Variants in PPRC1 observed in about 807,000 individuals in gnomAD.
PPRC1 encodes PPARG related coactivator 1.
Under a neutral mutation model 132.5 loss-of-function variants are expected in PPRC1, and 23 were observed. That is an observed-to-expected ratio of 0.17 (90% CI 0.12 to 0.25). The LOEUF (loss-of-function observed/expected upper bound fraction) is 0.25, where lower values mean the gene tolerates loss of function less well. Ranked by LOEUF, PPRC1 falls within the 10% of genes least tolerant of loss-of-function variation. The probability of loss-of-function intolerance (pLI) is 1.00; values close to 1 mark genes in which losing one functional copy is unlikely to be tolerated. For synonymous variants in PPRC1, 872 were observed against 833.5 expected (o/e 1.05, Z -0.80); for missense variants, 2,006 against 2,089.1 (o/e 0.96, Z 0.78).
Position 102,150,063 on chromosome 10 carries a change from T to C in PPRC1, c.*34T>C. ...CCTTCCCTGCTATCCTTTTTCTCCTTTGGAGGTGCCCAACCTCCTCCACCC... is the reference window on the plus strand; with the variant it reads ...CCTTCCCTGCTATCCTTTTTCTCCTCTGGAGGTGCCCAACCTCCTCCACCC... On this transcript the variant is annotated 3_prime_UTR_variant, in exon 14 of 14. Transcript: ENST00000278070. 1 of 1,543,786 alleles carries C rather than the reference T, an allele frequency of 6.5e-7. No homozygotes were observed. The highest frequency in any genetic ancestry group is 2.2e-5 in the East Asian group (1 of 44,504).
At chr10:102,120,180 A>C in the PPRC1 span, 1 of 1,160,342 alleles carries the variant, frequency 8.6e-7, no homozygotes, top group Non-Finnish European at 1.1e-6. Flanking sequence ...CAGGCCGGGC[A>C]TGAGCCGCCG....
In PPRC1 at chr10:102,141,081, C is replaced by T; in HGVS notation, c.2573C>T (p.Pro858Leu). The T allele has an allele frequency of 6.2e-7, 1 of 1,614,178 alleles. No individual in the cohort carries two copies. Among genetic ancestry groups the T allele is most frequent in the South Asian group, 1.1e-5 (1 of 91,090 alleles). Residue 858 changes from proline to leucine, a missense_variant, in exon 5 of 14, where the codon CCT becomes CTT. Around this residue, in one of 2 missense-constraint regions of PPRC1, gnomAD observed 1,914 missense variants for 1,917.2 expected, o/e 1.00. Coordinates refer to ENST00000278070, the MANE Select transcript of PPRC1 (RefSeq NM_015062.5). The part of the protein sequence containing the change: ...PSQEMPLLAR[P>L]SPPVQSVSPA... ...CAGGAGATGCCACTGTTGGCGAGAC[C>T]TTCCCCTCCTGTGCAGTCTGTGTCC... is the stretch of plus-strand genomic sequence containing the variant.
At chr10:102,120,348 G>A in the PPRC1 span, 1 of 984,502 alleles carries the variant, frequency 1.0e-6, no homozygotes, top group Non-Finnish European at 1.2e-6. Flanking sequence ...GTGCGCGCGG[G>A]TGTGAGTCCG....
At chr10:102,145,674 C>G (rs1488186946) in intron 8 of PPRC1, among the ~76,000 whole-genome samples, 1 of 151,722 alleles carries the variant, frequency 6.6e-6, no homozygotes, top group African/African-American at 2.4e-5. Context: ...ACCATCCTGG[C>G]TAACATGGTG....
chr10:102,149,376 C>G, intron 13 of PPRC1, 47 bp downstream of exon 13: 1 of 1,514,986 alleles, frequency 6.6e-7, no homozygotes, highest in Non-Finnish European at 8.9e-7. Context: ...CATCCCCTCC[C>G]CAGAAGGGTT....
In PPRC1 at chr10:102,148,069, C is replaced by T. The variant is rs1309486208; in HGVS notation, c.4401-303C>T. On this transcript the variant is annotated intron_variant, in intron 9 of 13. Transcript: ENST00000278070. The surrounding 1 kb of genome is among the most constrained non-coding windows in gnomAD (Gnocchi z 4.2). ...TGAGACCTAGGGCTCACCCCTCTCCCTGAGTCTCCATTTATTGTTCTTCCT... is the reference window on the plus strand; with the variant it reads ...TGAGACCTAGGGCTCACCCCTCTCCTTGAGTCTCCATTTATTGTTCTTCCT... Among the ~76,000 whole-genome samples the T allele has an allele frequency of 1.3e-5, 2 of 152,166 alleles. No homozygotes were observed. The highest frequency in any genetic ancestry group is 2.4e-5 in the African/African-American group (1 of 41,426).
chr10:102,130,281 G>A (rs968421479), upstream of PPRC1, among the ~76,000 whole-genome samples: 1 of 151,984 alleles, frequency 6.6e-6, no homozygotes, highest in Admixed American at 6.6e-5. Context: ...GCCAGGCGTG[G>A]TGGCAGGTGC....
the PPRC1 span, among the ~76,000 whole-genome samples, chr10:102,122,870 G>C: frequency 6.6e-6 from 1 of 152,152 alleles, no homozygotes; most frequent in Non-Finnish European, 1.5e-5. Context: ...TACACTTGCC[G>C]ACTCATTTAC....
chr10:102,137,778 C>T lies in PPRC1; in HGVS notation c.154-72C>T, dbSNP rs116449652. 2.1e-3 allele frequency: 2,998 copies of T among 1,449,492 alleles called. 35 individuals carry two copies. The African/African-American group carries it at 0.03, about 14-fold the overall frequency. 89.8% of individuals were successfully genotyped at this position (1,449,492 alleles called of 1,614,324 possible). A position where few individuals can be genotyped will look rare whatever the true frequency, so the allele number is the denominator to read the frequency against. ...AGTTTGGCCCCAGCAGTGGAGGGTACCTGATTTATGGAGCATATTATCAGC... is the reference window on the plus strand; with the variant it reads ...AGTTTGGCCCCAGCAGTGGAGGGTATCTGATTTATGGAGCATATTATCAGC... On this transcript the variant is annotated intron_variant, in intron 1 of 13. Coordinates refer to ENST00000278070, the MANE Select transcript of PPRC1 (RefSeq NM_015062.5).
At position 102,140,633 on chromosome 10, in the gene PPRC1, C is replaced by T; in HGVS notation, c.2125C>T (p.Leu709Phe). The change falls in exon 5 of 14, where the codon CTC becomes TTC. Residue 709 changes from leucine (L) to phenylalanine (F), a missense_variant. Transcript: ENST00000278070. ...SSALGGSAPQ[L>F]LVESESLDPP... ...AGCCCTGGGGGGTTCAGCACCCCAG[C>T]TCCTCGTGGAGTCAGAGTCCTTGGA... is the stretch of plus-strand genomic sequence containing the variant. The T allele has an allele frequency of 6.2e-7, 1 of 1,614,094 alleles. No homozygotes were observed. Among genetic ancestry groups the T allele is most frequent in the African/African-American group, 1.3e-5 (1 of 75,026 alleles).
At chr10:102,129,982 G>T (rs1234119154), upstream of PPRC1, among the ~76,000 whole-genome samples, 2 of 152,148 alleles carry the variant, frequency 1.3e-5, no homozygotes, top group Non-Finnish European at 2.9e-5. Context: ...GCTGCTCATA[G>T]GCAACTTTAT....
the PPRC1 span, among the ~76,000 whole-genome samples, chr10:102,127,958 G>A: frequency 6.6e-6 from 1 of 152,098 alleles, no homozygotes; most frequent in African/African-American, 2.4e-5. Context: ...TAAAGTATTG[G>A]GATTACAGGT....
At chr10:102,122,462 CTTT>C in the PPRC1 span, among the ~76,000 whole-genome samples, 1 of 133,558 alleles carries the variant, frequency 7.5e-6, no homozygotes, top group African/African-American at 2.7e-5. Flanking sequence ...TCTTTCTGCC[CTTT>C]TTTTTTTTTT....
At position 102,133,148 on chromosome 10, in the gene PPRC1, C is replaced by T. The variant is rs1454415980; in HGVS notation, c.80C>T (p.Ala27Val). 1 of 1,257,820 alleles carries T rather than the reference C, an allele frequency of 8.0e-7. No homozygotes were observed. Among genetic ancestry groups the T allele is most frequent in the Non-Finnish European group, 1.0e-6 (1 of 994,710 alleles). 77.9% of individuals were successfully genotyped at this position (1,257,820 alleles called of 1,614,324 possible). Residue 27 changes from alanine (A) to valine (V), a missense_variant, in exon 1 of 14, where the codon GCC becomes GTC. Around this residue, in one of 2 missense-constraint regions of PPRC1, gnomAD observed 1,914 missense variants for 1,917.2 expected, o/e 1.00. Transcript: ENST00000278070. ...CCCGGTCCGGACCCTGGCGGGGGAG[C>T]CCGCGGCAGTGGTTGGGGAAGTCGA... is the stretch of plus-strand genomic sequence containing the variant. ...GGPGPDPGGG[A>V]RGSGWGSRSQ...
At chr10:102,146,374 G>A (rs1431271677) in intron 8 of PPRC1, among the ~76,000 whole-genome samples, 1 of 152,236 alleles carries the variant, frequency 6.6e-6, no homozygotes, top group East Asian at 1.9e-4. Context: ...GGCAGTACTC[G>A]GGGGAAGGGG....
At position 102,138,864 on chromosome 10, in the gene PPRC1, T is replaced by G. The variant is rs2068824236; in HGVS notation, c.490-15T>G. 6.2e-7 allele frequency: 1 copy of G among 1,613,236 alleles called. No individual in the cohort carries two copies. Among genetic ancestry groups the G allele is most frequent in the East Asian group, 2.2e-5 (1 of 44,892 alleles). On this transcript the variant is annotated splice_polypyrimidine_tract_variant and intron_variant, in intron 3 of 13. Coordinates refer to ENST00000278070, the MANE Select transcript of PPRC1 (RefSeq NM_015062.5). ...TGAAGCATAGACTGATCTCAGGTCT[T>G]TCTTTCCCTCTTAGCTGCACAAGCT... is the stretch of plus-strand genomic sequence containing the variant.
At chr10:102,130,521 A>G (rs2133566882), upstream of PPRC1, among the ~76,000 whole-genome samples, 1 of 150,666 alleles carries the variant, frequency 6.6e-6, no homozygotes, top group South Asian at 2.1e-4. Context: ...AGATCACCTG[A>G]GGTCAGGAGT....
chr10:102,148,473 G>A lies in PPRC1; in HGVS notation c.4502G>A (p.Ser1501Asn), dbSNP rs2069363335. 1.2e-6 allele frequency: 2 copies of A among 1,612,768 alleles called. No homozygotes were observed. The highest frequency in any genetic ancestry group is 1.3e-5 in the African/African-American group (1 of 74,838). Residue 1501 changes from serine to asparagine, a missense_variant, in exon 10 of 14, where the codon AGC becomes AAC. Ser to Asn is a conservative substitution (Grantham distance 46, BLOSUM62 1). This residue lies in a region of PPRC1 where 1,914 missense variants were observed against 1,917.2 expected (regional missense o/e 1.00). Transcript: ENST00000278070. This position sits in a 1 kb window ranked among gnomAD's most constrained non-coding sequence, Gnocchi z 4.2. ...SSSSSSSSSR[S>N]RSRSPSPRRR... Reference sequence around the variant, plus strand: ...TCATCCTCATCATCCAGTTCTCGAAGCCGCTCACGATCCCCATCCCCCCGC... The same window carrying A: ...TCATCCTCATCATCCAGTTCTCGAAACCGCTCACGATCCCCATCCCCCCGC...
Position 102,146,837 on chromosome 10 carries a change from G to A in PPRC1, c.3845G>A (p.Gly1282Glu). 1 of 1,614,086 alleles carries A rather than the reference G, an allele frequency of 6.2e-7. No homozygotes were observed. Among genetic ancestry groups the A allele is most frequent in the Non-Finnish European group, 8.5e-7 (1 of 1,180,006 alleles). ...CCAGCTGCAGTTCGCCTCCAAGAAG[G>A]GGTCCATGGCCCTAGTCGAGTCCAT... ...KHPAAVRLQEGVHGPSRVHVG... is the reference protein window; with the variant it reads ...KHPAAVRLQEEVHGPSRVHVG... Residue 1282 changes from glycine to glutamate, a missense_variant, in exon 9 of 14, where the codon GGG (glycine) becomes GAG (glutamate). This residue lies in a region of PPRC1 where 1,914 missense variants were observed against 1,917.2 expected (regional missense o/e 1.00). Coordinates refer to ENST00000278070, the MANE Select transcript of PPRC1 (RefSeq NM_015062.5).
Sources: gnomAD v4.1 joint callset for allele counts (sites outside exome capture counted in the v4.1 genomes callset) on GRCh38, gnomAD v4.1.1 for gene constraint, gnomAD v4.1.1 regional missense constraint, Gnocchi (gnomAD v3.1) non-coding constraint, MANE v1.5 for transcripts, NCBI Gene and HGNC (gene_info 2026-07-23, HGNC 2026-07-21) for gene names.